ANKIB1: variants seen among roughly 807,000 people sequenced by gnomAD.
ANKIB1 encodes ankyrin repeat and IBR domain containing 1, also known as ankyrin repeat and IBR domain-containing protein 1.
Under a neutral mutation model 122.1 loss-of-function variants are expected in ANKIB1, and 43 were observed. The ratio of observed to expected loss-of-function variants is 0.35; its 90% CI spans 0.28 to 0.45. The LOEUF (loss-of-function observed/expected upper bound fraction) is 0.45. ANKIB1 is among the 20% of genes least tolerant of loss of function. ANKIB1 has a pLI of 1.00. For missense variants in ANKIB1, 992 were observed against 1,329.5 expected, an observed-to-expected ratio of 0.75 and a Z score of 3.95; for synonymous variants, 390 against 442.0, an observed-to-expected ratio of 0.88 and a Z score of 1.48.
At chr7:92,250,550 A>G (rs972268310) in intron 1 of ANKIB1, among the ~76,000 whole-genome samples, 2 of 152,218 alleles carry the variant, frequency 1.3e-5, no homozygotes, top group African/African-American at 2.4e-5. Context: ...TAGTTCTACA[A>G]CGGGACCACA....
chr7:92,295,495 A>G lies in ANKIB1; in HGVS notation c.188+329A>G, dbSNP rs540783621. 1.6e-4 allele frequency among the ~76,000 whole-genome samples: 25 copies of G among 152,262 alleles called. No homozygotes were observed. In the South Asian group the frequency reaches 5.0e-3, roughly 30 times the overall value. Reference sequence around the variant, plus strand: ...TTTGATCCTCATTATGTTTCATAGTATGAATTCTTGATAATAATGTATTTA... The same window carrying G: ...TTTGATCCTCATTATGTTTCATAGTGTGAATTCTTGATAATAATGTATTTA... On this transcript the variant is annotated intron_variant, in intron 2 of 19. Transcript: ENST00000265742.
intron 4 of ANKIB1, among the ~76,000 whole-genome samples, chr7:92,320,697 C>T (rs1170210723): frequency 6.6e-6 from 1 of 152,184 alleles, no homozygotes; most frequent in East Asian, 1.9e-4. Context: ...TAAGCCCTCA[C>T]CACCTTCACT....
chr7:92,315,964 A>C (rs1313789831), intron 3 of ANKIB1, among the ~76,000 whole-genome samples: 1 of 152,156 alleles, frequency 6.6e-6, no homozygotes, highest in Non-Finnish European at 1.5e-5. Context: ...TTAGAGGGTG[A>C]TCAAAGGGAT....
At chr7:92,374,826 A>T (rs1052334049) in intron 11 of ANKIB1, among the ~76,000 whole-genome samples, 39 of 152,140 alleles carry the variant, frequency 2.6e-4, no homozygotes, top group Non-Finnish European at 8.8e-5. Context: ...AAATCCAAAA[A>T]GTGATTTTAA....
At chr7:92,311,830 G>A (rs1238212943) in intron 3 of ANKIB1, among the ~76,000 whole-genome samples, 2 of 151,986 alleles carry the variant, frequency 1.3e-5, no homozygotes, top group Non-Finnish European at 2.9e-5. Flanking sequence ...AGTTGCATTG[G>A]TTATCTGTGT....
At chr7:92,285,178 C>G (rs931589518) in intron 1 of ANKIB1, among the ~76,000 whole-genome samples, 2 of 152,020 alleles carry the variant, frequency 1.3e-5, no homozygotes, top group Admixed American at 1.3e-4. Flanking sequence ...AGCGATTTCC[C>G]GCTAATTTTT....
chr7:92,375,356 TTTAAAG>T (rs756052960), intron 11 of ANKIB1, among the ~76,000 whole-genome samples: 6 of 152,314 alleles, frequency 3.9e-5, no homozygotes, highest in South Asian at 2.1e-4. Flanking sequence ...TGATAGAACT[TTTAAAG>T]TTAAAGTCAG....
chr7:92,396,975 A>G (rs1401723372), intron 18 of ANKIB1, among the ~76,000 whole-genome samples: 1 of 152,242 alleles, frequency 6.6e-6, no homozygotes, highest in Non-Finnish European at 1.5e-5. Flanking sequence ...TAATTATTCA[A>G]CTTTTAAATG....
chr7:92,367,141 A>G (rs1344798179), intron 10 of ANKIB1, among the ~76,000 whole-genome samples: 2 of 152,222 alleles, frequency 1.3e-5, no homozygotes. Flanking sequence ...TTGATTTGGA[A>G]AGATGGAAGA....
At chr7:92,385,051 C>T (rs1804603396) in intron 11 of ANKIB1, among the ~76,000 whole-genome samples, 2 of 151,974 alleles carry the variant, frequency 1.3e-5, no homozygotes, top group Non-Finnish European at 2.9e-5. Context: ...AAAAAACAAC[C>T]CCATCAAAAA....
In ANKIB1 at chr7:92,396,365, G is replaced by T; in HGVS notation, c.2284G>T (p.Glu762Ter). ...WEYLGFASPE[E>*]YAEFQYRRRH... ...ATTTTATAACCTTTGGTTTATGCAG[G>T]AATATGCTGAATTTCAGTATCGGAG... is the stretch of plus-strand genomic sequence containing the variant. Residue 762 changes from glutamate to a stop codon, truncating the protein, a stop_gained and splice_region_variant, in exon 18 of 20, where the codon GAA (glutamate) becomes TAA (stop). Transcript: ENST00000265742. LOFTEE classifies it high-confidence loss of function. The T allele has an allele frequency of 6.5e-7, 1 of 1,532,432 alleles. No individual in the cohort carries two copies. Among genetic ancestry groups the T allele is most frequent in the South Asian group, 1.2e-5 (1 of 84,980 alleles). 94.9% of individuals were successfully genotyped at this position (1,532,432 alleles called of 1,614,324 possible).
At chr7:92,310,292 T>C (rs1802664907) in intron 3 of ANKIB1, among the ~76,000 whole-genome samples, 1 of 152,128 alleles carries the variant, frequency 6.6e-6, no homozygotes, top group South Asian at 2.1e-4. Flanking sequence ...TCAGAAGAGC[T>C]CTTTGACTTA....
chr7:92,310,332 C>T (rs1044567520), intron 3 of ANKIB1, among the ~76,000 whole-genome samples: 1 of 151,920 alleles, frequency 6.6e-6, no homozygotes, highest in Non-Finnish European at 1.5e-5. Flanking sequence ...CTAAAAGGAG[C>T]CCTATAAATA....
chr7:92,361,445 A>G (rs1293734706), intron 9 of ANKIB1, among the ~76,000 whole-genome samples: 1 of 152,208 alleles, frequency 6.6e-6, no homozygotes, highest in Non-Finnish European at 1.5e-5. Context: ...AATTTTGATA[A>G]AATATAGATT....
In ANKIB1 at chr7:92,399,734, CTTAAG is replaced by C. The variant is rs1373532824; in HGVS notation, c.*790_*794del. 6.6e-6 allele frequency: 1 copy of C among 152,130 alleles called. No individual in the cohort carries two copies. The highest frequency in any genetic ancestry group is 2.4e-5 in the African/African-American group (1 of 41,406). The allele number at this position is 152,130 out of a possible 1,614,324, so 9.4% of individuals were successfully genotyped here. A position where few individuals can be genotyped will look rare whatever the true frequency, so the allele number is the denominator to read the frequency against. Reference sequence around the variant, plus strand: ...GCATTTATATAAATGTAGCCTGTAGCTTAAGTTAACTAAACCTAATGCTGCTGTTA... The same window carrying C: ...GCATTTATATAAATGTAGCCTGTAGCTTAACTAAACCTAATGCTGCTGTTA... On this transcript the variant is annotated 3_prime_UTR_variant, in exon 20 of 20. Coordinates refer to ENST00000265742, the MANE Select transcript of ANKIB1 (RefSeq NM_019004.2).
intron 4 of ANKIB1, among the ~76,000 whole-genome samples, chr7:92,324,886 G>A (rs577241608): frequency 1.3e-5 from 2 of 152,272 alleles, no homozygotes; most frequent in South Asian, 4.1e-4. Flanking sequence ...TTAGATGCTT[G>A]GAGGAACAAA....
intron 3 of ANKIB1, among the ~76,000 whole-genome samples, chr7:92,311,664 ATTTAT>A (rs1802691946): frequency 6.6e-6 from 1 of 152,040 alleles, no homozygotes; most frequent in Non-Finnish European, 1.5e-5. Flanking sequence ...GAAATAAAAT[ATTTAT>A]TTTAAGACTT....
chr7:92,371,175 CTT>C (rs34197906), intron 10 of ANKIB1, among the ~76,000 whole-genome samples: 43 of 146,084 alleles, frequency 2.9e-4, no homozygotes, highest in East Asian at 7.9e-4. Flanking sequence ...TAATATGTTG[CTT>C]TTTTTTTTTT....
intron 7 of ANKIB1, among the ~76,000 whole-genome samples, chr7:92,348,573 A>G (rs1252532588): frequency 6.6e-6 from 1 of 152,040 alleles, no homozygotes; most frequent in Non-Finnish European, 1.5e-5. Context: ...TTTAGTAGAG[A>G]TGAGGTTTCA....
Sources: gnomAD v4.1 joint callset for allele counts (sites outside exome capture counted in the v4.1 genomes callset) on GRCh38, gnomAD v4.1.1 for gene constraint, MANE v1.5 for transcripts, NCBI Gene and HGNC (gene_info 2026-07-23, HGNC 2026-07-21) for gene names.